SPHKAP: variants seen among roughly 807,000 people sequenced by gnomAD.
SPHKAP encodes the protein A-kinase anchor protein SPHKAP.
In SPHKAP, 67 loss-of-function variants were observed where a neutral mutation model predicts 137.5. The observed-to-expected ratio is 0.49, with a 90% CI of 0.40 to 0.60. The LOEUF (loss-of-function observed/expected upper bound fraction) is 0.60. Among genes scored for constraint, SPHKAP ranks in the 20% least tolerant of loss-of-function variants. SPHKAP has a pLI of 0.00. For synonymous variants in SPHKAP, 813 were observed against 785.3 expected (o/e 1.04, Z -0.59); for missense variants, 2,097 against 2,069.3 (o/e 1.01, Z -0.26).
intron 1 of SPHKAP, among the ~76,000 whole-genome samples, chr2:228,157,522 G>T (rs1202551542): frequency 6.6e-6 from 1 of 152,184 alleles, no homozygotes; most frequent in African/African-American, 2.4e-5. Flanking sequence ...CAATTAATAA[G>T]AATGGAATGG....
At chr2:228,172,465 A>G (rs536996929) in intron 1 of SPHKAP, among the ~76,000 whole-genome samples, 4 of 152,176 alleles carry the variant, frequency 2.6e-5, no homozygotes, top group African/African-American at 9.6e-5. Context: ...CGTCATATCA[A>G]TACATCCAGG....
intron 5 of SPHKAP, among the ~76,000 whole-genome samples, chr2:228,024,330 A>G (rs1277233906): frequency 2.8e-5 from 4 of 143,652 alleles, no homozygotes; most frequent in Non-Finnish European, 4.5e-5. Context: ...AGTGTTCTAT[A>G]ATGCAGAGGC....
intron 3 of SPHKAP, among the ~76,000 whole-genome samples, chr2:228,088,799 C>T (rs770473598): frequency 2.0e-5 from 3 of 152,182 alleles, no homozygotes; most frequent in African/African-American, 7.2e-5. Flanking sequence ...TTACCTTCTG[C>T]CATGATTGTA....
At chr2:228,105,905 A>G (rs1698330985) in intron 3 of SPHKAP, among the ~76,000 whole-genome samples, 1 of 152,162 alleles carries the variant, frequency 6.6e-6, no homozygotes, top group Non-Finnish European at 1.5e-5. Context: ...TATCAGCAGC[A>G]TGTAAACAGA....
chr2:228,158,539 C>T (rs1026965607), intron 1 of SPHKAP, among the ~76,000 whole-genome samples: 2 of 151,672 alleles, frequency 1.3e-5, no homozygotes, highest in Non-Finnish European at 2.9e-5. Context: ...GAACTTAGGG[C>T]CCACTGGGAA....
chr2:228,105,355 G>A (rs1698306338), intron 3 of SPHKAP, among the ~76,000 whole-genome samples: 1 of 152,088 alleles, frequency 6.6e-6, no homozygotes. Flanking sequence ...TCAAGATAAT[G>A]TCTCAGCTGT....
chr2:228,164,107 T>C (rs1225006353), intron 1 of SPHKAP, among the ~76,000 whole-genome samples: 1 of 152,202 alleles, frequency 6.6e-6, no homozygotes, highest in Non-Finnish European at 1.5e-5. Context: ...ATAACTTCCC[T>C]TGCTGAGTCT....
Position 228,022,192 on chromosome 2 carries a change from G to A in SPHKAP, c.442-226C>T, listed in dbSNP as rs539219675. ...AGCCTGACTTAGGGAAAAATAGATC[G>A]GCTGTATCACATATTTTAATTTCCC... On this transcript the variant is annotated intron_variant, in intron 5 of 11. Transcript: ENST00000392056. 684 of 985,078 alleles carry A rather than the reference G, an allele frequency of 6.9e-4. 7 individuals are homozygous for A. Among genetic ancestry groups the A allele is most frequent in the Middle Eastern group, 3.1e-3 (6 of 1,914 alleles). The allele number at this position is 985,078 out of a possible 1,614,324, so 61.0% of individuals were successfully genotyped here. A position where few individuals can be genotyped will look rare whatever the true frequency, so the allele number is the denominator to read the frequency against.
chr2:228,068,229 A>T (rs1696889344), intron 3 of SPHKAP, among the ~76,000 whole-genome samples: 1 of 152,164 alleles, frequency 6.6e-6, no homozygotes. Flanking sequence ...ATTATAAAGG[A>T]CACACTAAAA....
intron 3 of SPHKAP, among the ~76,000 whole-genome samples, chr2:228,049,386 C>T (rs955371143): frequency 6.6e-6 from 1 of 152,184 alleles, no homozygotes; most frequent in African/African-American, 2.4e-5. Context: ...GTGTGATTCC[C>T]TTCCCAAACT....
At chr2:228,068,553 A>AG (rs1696904129) in intron 3 of SPHKAP, among the ~76,000 whole-genome samples, 1 of 152,214 alleles carries the variant, frequency 6.6e-6, no homozygotes, top group Non-Finnish European at 1.5e-5. Context: ...TTTGCAGTCA[A>AG]CTTGTTTTCA....
chr2:228,129,094 T>A (rs536459237), intron 2 of SPHKAP, among the ~76,000 whole-genome samples: 22 of 152,322 alleles, frequency 1.4e-4, no homozygotes, highest in Middle Eastern at 3.4e-3. Context: ...GTTCAACATC[T>A]TATTTGGGTG....
At chr2:228,031,930 G>T (rs1206549543) in intron 3 of SPHKAP, among the ~76,000 whole-genome samples, 1 of 152,152 alleles carries the variant, frequency 6.6e-6, no homozygotes, top group African/African-American at 2.4e-5. Context: ...CACAAAGATG[G>T]GGAAAAAACA....
At chr2:228,079,683 C>T (rs931156747) in intron 3 of SPHKAP, among the ~76,000 whole-genome samples, 13 of 152,192 alleles carry the variant, frequency 8.5e-5, no homozygotes, top group Non-Finnish European at 2.9e-5. Flanking sequence ...CCAGGTCAGC[C>T]CCTGTGGACC....
intron 2 of SPHKAP, among the ~76,000 whole-genome samples, chr2:228,130,666 G>A (rs1187428975): frequency 1.3e-5 from 2 of 152,094 alleles, no homozygotes; most frequent in Admixed American, 6.5e-5. Flanking sequence ...ATATGATGAA[G>A]CATTTATAAT....
intron 3 of SPHKAP, among the ~76,000 whole-genome samples, chr2:228,097,475 A>G (rs1698022219): frequency 6.6e-6 from 1 of 151,750 alleles, no homozygotes; most frequent in African/African-American, 2.4e-5. Flanking sequence ...CTTCTTTTTT[A>G]TTTTTATTTT....
At chr2:228,172,408 C>T (rs914784777) in intron 1 of SPHKAP, among the ~76,000 whole-genome samples, 2 of 152,204 alleles carry the variant, frequency 1.3e-5, no homozygotes, top group Non-Finnish European at 2.9e-5. Flanking sequence ...TGACTACTTG[C>T]ACAACTGGTC....
At position 228,128,269 on chromosome 2, in the gene SPHKAP, G is replaced by A. The variant is rs573320411; in HGVS notation, c.138+3711C>T. 3.9e-5 allele frequency among the ~76,000 whole-genome samples: 6 copies of A among 152,252 alleles called. No individual in the cohort carries two copies. The East Asian group carries it at 1.2e-3, about 29-fold the overall frequency. The stretch of plus-strand genomic sequence containing the variant: ...GTTTACGTAATATTCTGAATCCTTT[G>A]TTGTCATTTCACAAACGTTCACAGC... On this transcript the variant is annotated intron_variant, in intron 2 of 11. Transcript: ENST00000392056.
chr2:228,050,929 C>G (rs1696233485), intron 3 of SPHKAP, among the ~76,000 whole-genome samples: 1 of 152,170 alleles, frequency 6.6e-6, no homozygotes, highest in Non-Finnish European at 1.5e-5. Flanking sequence ...ACCTTAGCCT[C>G]CTCAGTAGCT....
Sources: gnomAD v4.1 joint callset for allele counts (sites outside exome capture counted in the v4.1 genomes callset) on GRCh38, gnomAD v4.1.1 for gene constraint, MANE v1.5 for transcripts, NCBI Gene and HGNC (gene_info 2026-07-23, HGNC 2026-07-21) for gene names.